Variants in HOXA3 observed in about 807,000 individuals in gnomAD.
HOXA3 encodes homeobox protein Hox-A3.
A neutral mutation model predicts 30.3 loss-of-function variants in HOXA3; 8 were observed. The ratio of observed to expected loss-of-function variants is 0.26; its 90% confidence interval spans 0.15 to 0.48. The LOEUF (loss-of-function observed/expected upper bound fraction) is 0.48. HOXA3 is among the 20% of genes least tolerant of loss of function. HOXA3 has a pLI of 0.99. For missense variants in HOXA3, 653 were observed against 614.4 expected, an observed-to-expected ratio of 1.06 and a Z score of -0.66; for synonymous variants, 323 against 273.1, an observed-to-expected ratio of 1.18 and a Z score of -1.80.
rs752139189 is a variant in HOXA3, at chr7:27,110,518, G to C, written c.123C>G (p.Ala41=). 41 of 1,605,946 alleles carry C rather than the reference G, an allele frequency of 2.6e-5. No individual in the cohort carries two copies. Among genetic ancestry groups the C allele is most frequent in the Admixed American group, 1.7e-4 (10 of 59,764 alleles). ...AGGCGGGTCGGTGGTACTCGCCGTC[G>C]GCGCCCAAAGCGGCGGACGCCGGGT... The part of the protein sequence containing the change: ...QPYPASAALG[A]DGEYHRPACS... The change falls in exon 5 of 6, where the codon GCC becomes GCG. Residue 41 remains alanine, a synonymous_variant. Coordinates refer to ENST00000612286, the MANE Select transcript of HOXA3 (RefSeq NM_153631.3).
At chr7:27,145,799 C>A in intron 1 of HOXA3, 1 of 1,614,272 alleles carries the variant, frequency 6.2e-7, no homozygotes, top group Non-Finnish European at 8.5e-7. Flanking sequence ...CGTTGGCGAT[C>A]TCGATGCGGC....
At chr7:27,144,992 C>T (rs1432200395) in intron 1 of HOXA3, among the ~76,000 whole-genome samples, 2 of 152,156 alleles carry the variant, frequency 1.3e-5, no homozygotes, top group Non-Finnish European at 2.9e-5. Flanking sequence ...GTTCCACCCG[C>T]GCCCAGGTTA....
chr7:27,147,649 G>A (rs376057404), intron 1 of HOXA3: 4 of 1,614,206 alleles, frequency 2.5e-6, no homozygotes, highest in Non-Finnish European at 3.4e-6. Context: ...GGGCCTCAGC[G>A]CGTCATAGCC....
intron 2 of HOXA3, chr7:27,129,158 G>A: frequency 1.0e-6 from 1 of 968,656 alleles, no homozygotes. Context: ...GGTGGATGAG[G>A]AACGGAGCAG....
At chr7:27,125,828 T>A (rs964324644) in intron 3 of HOXA3, among the ~76,000 whole-genome samples, 2 of 152,180 alleles carry the variant, frequency 1.3e-5, no homozygotes, top group African/African-American at 4.8e-5. Context: ...ATGTGGGAAC[T>A]GCTAGAGGGA....
intron 2 of HOXA3, among the ~76,000 whole-genome samples, chr7:27,136,575 G>A (rs567352412): frequency 2.0e-5 from 3 of 152,210 alleles, no homozygotes; most frequent in Non-Finnish European, 2.9e-5. Flanking sequence ...ACTAAAGCGT[G>A]CTCTGCTGGC....
chr7:27,117,055 TAG>T (rs982320455), intron 4 of HOXA3, among the ~76,000 whole-genome samples: 5 of 152,162 alleles, frequency 3.3e-5, no homozygotes, highest in African/African-American at 1.2e-4. Flanking sequence ...AGGAGCATAA[TAG>T]AGTTTCCTGC....
At position 27,152,498 on chromosome 7, in the gene HOXA3, C is replaced by T. The variant is rs1467691393; in HGVS notation, c.-704G>A. ...CTGGCCTGGCCGGGGCTTCCCTTCG[C>T]TCGCCATCTCCGGACAAAGCACAGC... On this transcript the variant is annotated 5_prime_UTR_variant, in exon 1 of 6. Transcript: ENST00000612286. 4 of 1,168,086 alleles carry T rather than the reference C, an allele frequency of 3.4e-6. No homozygotes were observed. Among genetic ancestry groups the T allele is most frequent in the Non-Finnish European group, 4.3e-6 (4 of 931,510 alleles). 72.4% of individuals were successfully genotyped at this position (1,168,086 alleles called of 1,614,324 possible).
intron 2 of HOXA3, chr7:27,129,450 G>A: frequency 6.2e-7 from 1 of 1,614,222 alleles, no homozygotes. Context: ...GGGCGATCTC[G>A]ATGCGGCGCC....
At chr7:27,143,164 T>C (rs2128060629) in intron 1 of HOXA3, 1 of 1,609,914 alleles carries the variant, frequency 6.2e-7, no homozygotes, top group Non-Finnish European at 8.5e-7. Flanking sequence ...CCTCCTCGGC[T>C]CCGGACGCCG....
chr7:27,149,654 G>C (rs1406880526), intron 1 of HOXA3, among the ~76,000 whole-genome samples: 1 of 152,260 alleles, frequency 6.6e-6, no homozygotes, highest in Non-Finnish European at 1.5e-5. Flanking sequence ...ATATAAAGCA[G>C]GGCCTCGAAT....
rs530739622 is a variant in HOXA3, at chr7:27,109,156, G to A, written c.527-436C>T. 3.9e-5 allele frequency among the ~76,000 whole-genome samples: 6 copies of A among 152,170 alleles called. No homozygotes were observed. In the East Asian group the frequency reaches 1.2e-3, roughly 29 times the overall value. On this transcript the variant is annotated intron_variant, in intron 5 of 5. Coordinates refer to ENST00000612286, the MANE Select transcript of HOXA3 (RefSeq NM_153631.3). ...TCCCACACTGTCTGACAATAATTAG[G>A]CAGTAGCTTCAACTGGCCACTTTTT...
intron 1 of HOXA3, chr7:27,141,850 C>T (rs748556078): frequency 1.2e-6 from 2 of 1,614,062 alleles, no homozygotes; most frequent in East Asian, 2.2e-5. Flanking sequence ...GACGGAAGGC[C>T]CCTCCTGCCG....
rs780149829 is a variant in HOXA3, at chr7:27,110,536, C to T, written c.105G>A (p.Ala35=). The change falls in exon 5 of 6, where the codon GCG becomes GCA. Residue 35 remains alanine, a synonymous_variant. Coordinates refer to ENST00000612286, the MANE Select transcript of HOXA3 (RefSeq NM_153631.3). The part of the protein sequence containing the change: ...AYNANQQPYP[A]SAALGADGEY... ...CGCCGTCGGCGCCCAAAGCGGCGGA[C>T]GCCGGGTACGGCTGCTGATTGGCAT... 1.9e-6 allele frequency: 3 copies of T among 1,607,062 alleles called. No individual in the cohort carries two copies. Among genetic ancestry groups the T allele is most frequent in the Non-Finnish European group, 2.6e-6 (3 of 1,175,142 alleles).
chr7:27,141,638 A>G (rs1782572366), intron 1 of HOXA3: 5 of 569,626 alleles, frequency 8.8e-6, no homozygotes, highest in Middle Eastern at 4.7e-4. Flanking sequence ...TTCAGGACAA[A>G]GAGATGAACA....
At chr7:27,139,731 C>A (rs1782466932) in intron 2 of HOXA3, among the ~76,000 whole-genome samples, 1 of 152,148 alleles carries the variant, frequency 6.6e-6, no homozygotes, top group African/African-American at 2.4e-5. Context: ...CCAGCAATTG[C>A]GCGGGGGACT....
chr7:27,147,373 T>C (rs1279856459), intron 1 of HOXA3: 1 of 1,614,080 alleles, frequency 6.2e-7, no homozygotes, highest in Non-Finnish European at 8.5e-7. Flanking sequence ...GTCGGCGCCT[T>C]CGTCATGGAG....
chr7:27,143,582 A>G, intron 1 of HOXA3: 3 of 1,598,348 alleles, frequency 1.9e-6, no homozygotes, highest in Non-Finnish European at 2.6e-6. Flanking sequence ...GCGACCGCAA[A>G]ATGAGTTTAC....
chr7:27,110,550 G>C lies in HOXA3; in HGVS notation c.91C>G (p.Gln31Glu), dbSNP rs1784312455. The C allele has an allele frequency of 6.2e-7, 1 of 1,606,830 alleles. No homozygotes were observed. Among genetic ancestry groups the C allele is most frequent in the Non-Finnish European group, 8.5e-7 (1 of 1,174,956 alleles). The change falls in exon 5 of 6, where the codon CAG becomes GAG. Residue 31 changes from glutamine to glutamate, a missense_variant. Transcript: ENST00000612286. Reference sequence around the variant, plus strand: ...AAAGCGGCGGACGCCGGGTACGGCTGCTGATTGGCATTATAAGCGAACCCG... The same window carrying C: ...AAAGCGGCGGACGCCGGGTACGGCTCCTGATTGGCATTATAAGCGAACCCG... ...ANGFAYNANQ[Q>E]PYPASAALGA... is the part of the protein sequence containing the mutation.
Sources: gnomAD v4.1 joint callset for allele counts (sites outside exome capture counted in the v4.1 genomes callset) on GRCh38, gnomAD v4.1.1 for gene constraint, MANE v1.5 for transcripts, NCBI Gene and HGNC (gene_info 2026-07-23, HGNC 2026-07-21) for gene names.